Variants in FTO observed in about 807,000 individuals in gnomAD.
FTO encodes the protein alpha-ketoglutarate-dependent dioxygenase FTO.
Under a neutral mutation model 63.9 loss-of-function variants are expected in FTO, and 47 were observed. The ratio of observed to expected loss-of-function variants is 0.74; its 90% CI spans 0.58 to 0.94. The LOEUF (loss-of-function observed/expected upper bound fraction) is 0.94, where lower values mean the gene tolerates loss of function less well. Among genes scored for constraint, FTO ranks in the 40% least tolerant of loss-of-function variants. The probability of loss-of-function intolerance (pLI) is 0.00; values close to 1 mark genes in which losing one functional copy is unlikely to be tolerated. For missense variants in FTO, 562 were observed against 618.1 expected, an observed-to-expected ratio of 0.91 and a Z score of 0.96; for synonymous variants, 207 against 224.4, an observed-to-expected ratio of 0.92 and a Z score of 0.69.
At chr16:53,911,213 A>C (rs1402714178) in intron 7 of FTO, 4 of 598,540 alleles carry the variant, frequency 6.7e-6, no homozygotes, top group Non-Finnish European at 1.2e-5. Flanking sequence ...GCATCTCCAC[A>C]GAGACAGTGG....
At chr16:53,713,255 T>C (rs2075819018) in intron 1 of FTO, among the ~76,000 whole-genome samples, 1 of 152,246 alleles carries the variant, frequency 6.6e-6, no homozygotes, top group African/African-American at 2.4e-5. Flanking sequence ...TGTTTTCAAG[T>C]GTTCTCTTCC....
chr16:53,917,758 G>A (rs976957584), intron 7 of FTO, among the ~76,000 whole-genome samples: 1 of 149,884 alleles, frequency 6.7e-6, no homozygotes, highest in East Asian at 2.0e-4. Context: ...CTGTCCATCC[G>A]TCGTCCATCT....
chr16:53,926,051 T>A (rs1163857573), intron 7 of FTO, among the ~76,000 whole-genome samples: 1 of 152,172 alleles, frequency 6.6e-6, no homozygotes, highest in African/African-American at 2.4e-5. Flanking sequence ...TTAGGGGTCC[T>A]TAATATGCTG....
chr16:53,830,392 T>G (rs2079112496), intron 3 of FTO, among the ~76,000 whole-genome samples: 1 of 152,182 alleles, frequency 6.6e-6, no homozygotes, highest in East Asian at 1.9e-4. Context: ...AACCCAATGT[T>G]TAATATGGTC....
chr16:53,749,435 T>A (rs1243229444), intron 1 of FTO, among the ~76,000 whole-genome samples: 1 of 150,710 alleles, frequency 6.6e-6, no homozygotes, highest in East Asian at 1.9e-4. Flanking sequence ...TTTTAATTCT[T>A]TTTTTCTTTT....
chr16:53,705,401 C>G (rs2075579246), intron 1 of FTO, among the ~76,000 whole-genome samples: 4 of 152,160 alleles, frequency 2.6e-5, no homozygotes, highest in Admixed American at 2.0e-4. Context: ...GTCACTTTGG[C>G]CTTCTTAAAA....
intron 4 of FTO, among the ~76,000 whole-genome samples, chr16:53,861,637 T>G (rs1323964634): frequency 6.6e-6 from 1 of 152,208 alleles, no homozygotes; most frequent in Non-Finnish European, 1.5e-5. Flanking sequence ...ATTTTTAATA[T>G]TTATTTTAGG....
rs869224300 is a variant in FTO at position 54,074,913 on chromosome 16, AGAGAGT to A, written c.1365-36847_1365-36842del. Among the ~76,000 whole-genome samples, 835 of 125,116 alleles carry A rather than the reference AGAGAGT, an allele frequency of 6.7e-3. 3 individuals carry two copies. Among genetic ancestry groups the A allele is most frequent in the African/African-American group, 0.013 (440 of 32,996 alleles). The allele number at this position is 125,116 out of a possible 152,430, so 82.1% of individuals were successfully genotyped here. On this transcript the variant is annotated intron_variant, in intron 8 of 8. Transcript: ENST00000471389. ...GAAAGAGGGAGAGAGAGAGAGAGAG[AGAGAGT>A]GTGTGTGTGTGTGTGTGTGTGTGTG... is the stretch of plus-strand genomic sequence containing the variant.
chr16:53,918,056 A>G (rs1036667755), intron 7 of FTO, among the ~76,000 whole-genome samples: 2 of 152,218 alleles, frequency 1.3e-5, no homozygotes, highest in Admixed American at 1.3e-4. Context: ...TAATAGAAAA[A>G]TAAGTTTATT....
At chr16:53,860,185 G>A (rs2080130542) in intron 4 of FTO, among the ~76,000 whole-genome samples, 1 of 152,132 alleles carries the variant, frequency 6.6e-6, no homozygotes, top group South Asian at 2.1e-4. Flanking sequence ...GTGACAGTGT[G>A]GAATATGTTA....
chr16:53,900,381 C>T lies in FTO; in HGVS notation c.1239+11430C>T, dbSNP rs185319632. 1.2e-3 allele frequency among the ~76,000 whole-genome samples: 189 copies of T among 151,984 alleles called. 1 individual carries two copies. Among genetic ancestry groups the T allele is most frequent in the Admixed American group, 3.5e-3 (54 of 15,268 alleles). ...AAATCTGAAAGTTAAATAGAATATT[C>T]TCAAAAAAAGGGCAATGTGTTAAGA... is the stretch of plus-strand genomic sequence containing the variant. On this transcript the variant is annotated intron_variant, in intron 7 of 8. Transcript: ENST00000471389.
intron 3 of FTO, 104 bp from the exon 4 acceptor site, chr16:53,844,051 T>G (rs1294235178): frequency 3.5e-6 from 3 of 859,804 alleles, no homozygotes; most frequent in Non-Finnish European, 3.7e-6. Flanking sequence ...TCATTTAATA[T>G]TCATATTTTA....
intron 4 of FTO, among the ~76,000 whole-genome samples, chr16:53,864,485 G>A (rs180744452): frequency 3.9e-4 from 59 of 152,258 alleles, no homozygotes; most frequent in African/African-American, 1.4e-3. Context: ...TTATAGCATT[G>A]CTTCTGTGGT....
intron 3 of FTO, among the ~76,000 whole-genome samples, chr16:53,827,907 A>G (rs2079051750): frequency 6.6e-6 from 1 of 152,210 alleles, no homozygotes; most frequent in African/African-American, 2.4e-5. Flanking sequence ...AACTCTCCAA[A>G]CCTGAAGCAG....
At position 53,800,555 on chromosome 16, in the gene FTO, C is replaced by A. The variant is rs534343646; in HGVS notation, c.46-9585C>A. ...ATGGTGCTTTTGTCTACTTGTTCTACCAGTTATTAAGACAAGGATATTGAA... is the reference window on the plus strand; with the variant it reads ...ATGGTGCTTTTGTCTACTTGTTCTAACAGTTATTAAGACAAGGATATTGAA... On this transcript the variant is annotated intron_variant, in intron 1 of 8. Coordinates refer to ENST00000471389, the MANE Select transcript of FTO (RefSeq NM_001080432.3). Among the ~76,000 whole-genome samples, 10 of 152,210 alleles carry A rather than the reference C, an allele frequency of 6.6e-5. No homozygotes were observed. The East Asian group carries it at 9.6e-4, about 15-fold the overall frequency.
At chr16:53,882,632 A>T (rs546624198) in intron 6 of FTO, among the ~76,000 whole-genome samples, 5 of 152,184 alleles carry the variant, frequency 3.3e-5, no homozygotes, top group Admixed American at 3.3e-4. Flanking sequence ...AGAAGAGGTC[A>T]TAGAGGTAGT....
chr16:53,820,422 G>A (rs2078826309), intron 2 of FTO, among the ~76,000 whole-genome samples: 1 of 151,996 alleles, frequency 6.6e-6, no homozygotes, highest in South Asian at 2.1e-4. Context: ...GAGAAGTAAA[G>A]CGTGGGGAGT....
chr16:53,759,693 C>CAAAAAAAAAAAAAAAAAAAA (rs758376530), intron 1 of FTO, among the ~76,000 whole-genome samples: 5 of 28,508 alleles, frequency 1.8e-4, no homozygotes, highest in Non-Finnish European at 2.6e-4. Flanking sequence ...GACTCCTTCT[C>CAAAAAAAAAAAAAAAAAAAA]AAAAAAAAAA....
At chr16:53,900,213 T>G (rs2081367724) in intron 7 of FTO, among the ~76,000 whole-genome samples, 1 of 152,194 alleles carries the variant, frequency 6.6e-6, no homozygotes, top group South Asian at 2.1e-4. Flanking sequence ...TTTTTTTTTC[T>G]TTAATGTGAG....
Sources: allele counts gnomAD v4.1 joint callset (sites outside exome capture counted in the v4.1 genomes callset), GRCh38; gene constraint gnomAD v4.1.1; transcripts MANE v1.5; gene names NCBI Gene and HGNC (gene_info 2026-07-23, HGNC 2026-07-21).